FKBP7: variants seen among roughly 807,000 people sequenced by gnomAD.
The protein encoded by FKBP7 is peptidyl-prolyl cis-trans isomerase FKBP7.
Under a neutral mutation model 24.3 loss-of-function variants are expected in FKBP7, and 24 were observed. The ratio of observed to expected loss-of-function variants is 0.99; its 90% CI spans 0.72 to 1.39. FKBP7 has a LOEUF of 1.39. Ranked by LOEUF, FKBP7 falls within the 40% of genes most tolerant of loss-of-function variation. The pLI, the probability that FKBP7 is intolerant of heterozygous loss-of-function variation, is 0.00. For missense variants in FKBP7, 257 were observed against 269.5 expected, an observed-to-expected ratio of 0.95 and a Z score of 0.33; for synonymous variants, 98 against 92.8, an observed-to-expected ratio of 1.06 and a Z score of -0.32.
rs749083324 is a variant in FKBP7 at position 178,478,531 on chromosome 2, CGT to C, written c.-34_-33del. ...CAGCAGAACACTGCTCTCCCTCCCGCGTGTCACTCGCGCCCCGTGGATGTCCC... is the reference window on the plus strand; with the variant it reads ...CAGCAGAACACTGCTCTCCCTCCCGCGTCACTCGCGCCCCGTGGATGTCCC... On this transcript the variant is annotated 5_prime_UTR_variant, in exon 1 of 4. Coordinates refer to ENST00000424785, the MANE Select transcript of FKBP7 (RefSeq NM_181342.3). 6.8e-6 allele frequency: 11 copies of C among 1,610,302 alleles called. No individual in the cohort carries two copies. Among genetic ancestry groups the C allele is most frequent in the South Asian group, 3.3e-5 (3 of 90,794 alleles).
chr2:178,478,572 G>C lies in FKBP7; in HGVS notation c.-73C>G. Reference sequence around the variant, plus strand: ...CGTGGATGTCCCGCGGCCGAGTTCCGACGCGTGGCAGGCGTTGTCCTGCGT... The same window carrying C: ...CGTGGATGTCCCGCGGCCGAGTTCCCACGCGTGGCAGGCGTTGTCCTGCGT... On this transcript the variant is annotated 5_prime_UTR_variant, in exon 1 of 4. Transcript: ENST00000424785. 1 of 1,590,006 alleles carries C rather than the reference G, an allele frequency of 6.3e-7. No individual in the cohort carries two copies. The highest frequency in any genetic ancestry group is 8.5e-7 in the Non-Finnish European group (1 of 1,170,744).
intron 2 of FKBP7, 96 bp downstream of exon 2, chr2:178,476,966 A>C: frequency 2.3e-6 from 2 of 885,606 alleles, no homozygotes; most frequent in Non-Finnish European, 1.7e-6. Flanking sequence ...TTTCTTTGAG[A>C]CTGTGCTTTC....
Position 178,478,500 on chromosome 2 carries a change from C to T in FKBP7, c.-1G>A. The T allele has an allele frequency of 6.2e-7, 1 of 1,613,880 alleles. No individual in the cohort carries two copies. Among genetic ancestry groups the T allele is most frequent in the East Asian group, 2.2e-5 (1 of 44,890 alleles). The stretch of plus-strand genomic sequence containing the variant: ...ATAAGAAATGCATGGTTTTTGGCAT[C>T]GGCTCCAGCAGAACACTGCTCTCCC... On this transcript the variant is annotated 5_prime_UTR_variant, in exon 1 of 4. Coordinates refer to ENST00000424785, the MANE Select transcript of FKBP7 (RefSeq NM_181342.3).
intron 3 of FKBP7, chr2:178,467,770 A>G (rs560373875): frequency 6.6e-6 from 1 of 152,310 alleles, no homozygotes; most frequent in African/African-American, 2.4e-5. Flanking sequence ...AAGATCATCT[A>G]ATGTCTTACT....
At chr2:178,469,941 T>C (rs946848064) in intron 2 of FKBP7, among the ~76,000 whole-genome samples, 156 bp from the exon 3 acceptor site, 2 of 152,164 alleles carry the variant, frequency 1.3e-5, no homozygotes, top group African/African-American at 4.8e-5. Flanking sequence ...TTATAACTTT[T>C]TTCGGCTTTT....
At chr2:178,466,750 C>A (rs929774618) in intron 3 of FKBP7, among the ~76,000 whole-genome samples, 1 of 151,980 alleles carries the variant, frequency 6.6e-6, no homozygotes, top group African/African-American at 2.4e-5. Context: ...TAAGATGTGA[C>A]TATAAAAATT....
intron 3 of FKBP7, among the ~76,000 whole-genome samples, chr2:178,468,286 A>C (rs1684738318): frequency 6.6e-6 from 1 of 152,184 alleles, no homozygotes; most frequent in African/African-American, 2.4e-5. Context: ...AGACATTAGA[A>C]TTCAATAAAT....
chr2:178,478,385 C>T lies in FKBP7; in HGVS notation c.115G>A (p.Val39Ile). Residue 39 changes from valine (V) to isoleucine (I), a missense_variant, in exon 1 of 4, where the codon GTT (valine) becomes ATT (isoleucine). Val to Ile is a conservative substitution (Grantham distance 29). Coordinates refer to ENST00000424785, the MANE Select transcript of FKBP7 (RefSeq NM_181342.3). ...GAGCAGTTTTCTGGACGATGCAAAACTTCTATTTTCACTTCTTCGGTGCTC... is the reference window on the plus strand; with the variant it reads ...GAGCAGTTTTCTGGACGATGCAAAATTTCTATTTTCACTTCTTCGGTGCTC... ...EESTEEVKIE[V>I]LHRPENCSKT... 1 of 1,614,230 alleles carries T rather than the reference C, an allele frequency of 6.2e-7. No homozygotes were observed. The highest frequency in any genetic ancestry group is 8.5e-7 in the Non-Finnish European group (1 of 1,180,044).
In FKBP7 at chr2:178,464,825, T is replaced by C. The variant is rs1684608917; in HGVS notation, c.*945A>G. The C allele has an allele frequency of 6.6e-6, 1 of 152,228 alleles. No individual in the cohort carries two copies. The highest frequency in any genetic ancestry group is 2.4e-5 in the African/African-American group (1 of 41,452). The allele number at this position is 152,228 out of a possible 1,614,324, so 9.4% of individuals were successfully genotyped here. A position where few individuals can be genotyped will look rare whatever the true frequency, so the allele number is the denominator to read the frequency against. On this transcript the variant is annotated 3_prime_UTR_variant, in exon 4 of 4. Coordinates refer to ENST00000424785, the MANE Select transcript of FKBP7 (RefSeq NM_181342.3). ...GACACAAAATTGCCATGGCACTGTA[T>C]ATCCTCCTTTGTTTGGCACATTTAT... is the stretch of plus-strand genomic sequence containing the variant.
At position 178,475,260 on chromosome 2, in the gene FKBP7, C is replaced by T. The variant is rs187686254; in HGVS notation, c.373+1802G>A. ...CACTTTTTTTTTTGAGATGGAGTCT[C>T]GCTCTGTTGCCCAGGCTGGAGTGCA... On this transcript the variant is annotated intron_variant, in intron 2 of 3. Transcript: ENST00000424785. 5.9e-5 allele frequency among the ~76,000 whole-genome samples: 9 copies of T among 151,586 alleles called. No individual in the cohort carries two copies. The East Asian group carries it at 1.6e-3, about 26-fold the overall frequency.
chr2:178,473,213 GTTGT>G (rs1684904641), intron 2 of FKBP7: 4 of 627,180 alleles, frequency 6.4e-6, no homozygotes, highest in South Asian at 4.5e-5. Context: ...TAATCAAGAG[GTTGT>G]TTGTTAAACA....
chr2:178,476,098 GTAA>G (rs1206068523), intron 2 of FKBP7, among the ~76,000 whole-genome samples: 2 of 152,108 alleles, frequency 1.3e-5, no homozygotes, highest in Non-Finnish European at 2.9e-5. Flanking sequence ...AAATATTTAT[GTAA>G]TAATAACATA....
chr2:178,477,958 G>A (rs1685057640), intron 1 of FKBP7, among the ~76,000 whole-genome samples: 1 of 152,156 alleles, frequency 6.6e-6, no homozygotes, highest in Non-Finnish European at 1.5e-5. Context: ...TTCTGGCAAG[G>A]GAAAAATGTG....
chr2:178,476,139 G>A (rs376848234), intron 2 of FKBP7, among the ~76,000 whole-genome samples: 1 of 152,036 alleles, frequency 6.6e-6, no homozygotes, highest in Non-Finnish European at 1.5e-5. Flanking sequence ...AATGCTTAAG[G>A]TAGAGCTTAT....
chr2:178,468,530 G>A (rs924512880), intron 3 of FKBP7, among the ~76,000 whole-genome samples: 1 of 151,842 alleles, frequency 6.6e-6, no homozygotes, highest in African/African-American at 2.4e-5. Flanking sequence ...GGCATGCTGC[G>A]GGGATCGCTT....
chr2:178,468,370 G>A (rs777717222), intron 3 of FKBP7, among the ~76,000 whole-genome samples: 4 of 151,924 alleles, frequency 2.6e-5, no homozygotes, highest in Non-Finnish European at 5.9e-5. Flanking sequence ...ATATAGTAGT[G>A]GGCTGGGCAT....
chr2:178,467,417 T>TTTTG (rs556335938), intron 3 of FKBP7, among the ~76,000 whole-genome samples: 1 of 152,164 alleles, frequency 6.6e-6, no homozygotes, highest in African/African-American at 2.4e-5. Context: ...GAATAAAGTT[T>TTTTG]TTTGTTTGTT....
At position 178,464,696 on chromosome 2, in the gene FKBP7, T is replaced by C. The variant is rs1684605875; in HGVS notation, c.*1074A>G. 1 of 152,182 alleles carries C rather than the reference T, an allele frequency of 6.6e-6. No individual in the cohort carries two copies. The highest frequency in any genetic ancestry group is 2.4e-5 in the African/African-American group (1 of 41,428). 9.4% of individuals were successfully genotyped at this position (152,182 alleles called of 1,614,324 possible). A position where few individuals can be genotyped will look rare whatever the true frequency, so the allele number is the denominator to read the frequency against. ...TGACCATACCATGCAGTATGCAAAA[T>C]CTATGTTCCGATAGACATGTGCCCT... On this transcript the variant is annotated 3_prime_UTR_variant, in exon 4 of 4. Transcript: ENST00000424785.
intron 2 of FKBP7, among the ~76,000 whole-genome samples, chr2:178,474,581 A>T (rs764222365): frequency 4.6e-5 from 7 of 152,222 alleles, no homozygotes; most frequent in Non-Finnish European, 7.3e-5. Context: ...ATGAAAGCTC[A>T]TAGAGGATTG....
Sources: allele counts gnomAD v4.1 joint callset (sites outside exome capture counted in the v4.1 genomes callset), GRCh38; gene constraint gnomAD v4.1.1; transcripts MANE v1.5; gene names NCBI Gene and HGNC (gene_info 2026-07-23, HGNC 2026-07-21).